USP15: variants seen among roughly 807,000 people sequenced by gnomAD.
USP15 encodes ubiquitin carboxyl-terminal hydrolase 15.
In USP15, 18 loss-of-function variants were observed where a neutral mutation model predicts 127.1. That is an observed-to-expected ratio of 0.14 (90% CI 0.10 to 0.21). The LOEUF (loss-of-function observed/expected upper bound fraction) is 0.21. USP15 is among the 10% of genes least tolerant of loss of function. The probability of loss-of-function intolerance (pLI) is 1.00; values close to 1 mark genes in which losing one functional copy is unlikely to be tolerated. For missense variants in USP15, 805 were observed against 1,159.9 expected (o/e 0.69, Z 4.44); for synonymous variants, 364 against 393.7 (o/e 0.92, Z 0.89).
chr12:62,359,188 T>G (rs1477902786), intron 8 of USP15, among the ~76,000 whole-genome samples: 4 of 149,666 alleles, frequency 2.7e-5, no homozygotes, highest in African/African-American at 9.9e-5. Flanking sequence ...AGAAGCTTTC[T>G]CATGGATCCC....
rs768762882 is a variant in USP15, at chr12:62,314,786, T to G, written c.349-4T>G. The stretch of plus-strand genomic sequence containing the variant: ...CACTGATTTGTTTTGTTTCATTATT[T>G]TAGGTGGTTGAACAGGGTATGTTTG... On this transcript the variant is annotated splice_polypyrimidine_tract_variant and splice_region_variant and intron_variant, in intron 3 of 21. Transcript: ENST00000280377. 4 of 1,556,386 alleles carry G rather than the reference T, an allele frequency of 2.6e-6. No individual in the cohort carries two copies. The African/African-American group carries it at 4.1e-5, about 16-fold the overall frequency.
At chr12:62,386,164 T>G (rs1592712431) in intron 11 of USP15, among the ~76,000 whole-genome samples, 1 of 91,408 alleles carries the variant, frequency 1.1e-5, no homozygotes, top group South Asian at 3.3e-4. Flanking sequence ...TTTTTGTGTT[T>G]TGTGTTTTTT....
chr12:62,329,309 T>C (rs1001863538), intron 6 of USP15, among the ~76,000 whole-genome samples: 1 of 152,148 alleles, frequency 6.6e-6, no homozygotes, highest in Non-Finnish European at 1.5e-5. Flanking sequence ...AGGCGGAGGT[T>C]TCCGTGAGCC....
chr12:62,364,713 C>T (rs970709403), intron 8 of USP15, among the ~76,000 whole-genome samples: 2 of 151,920 alleles, frequency 1.3e-5, no homozygotes, highest in African/African-American at 4.8e-5. Flanking sequence ...CCTTCTCTAG[C>T]CCCCCAACCC....
intron 8 of USP15, among the ~76,000 whole-genome samples, chr12:62,378,321 A>G (rs11174452): frequency 0.26 from 40,153 of 152,188 alleles, 6,611 homozygotes; most frequent in East Asian, 0.44. Flanking sequence ...TTTTTAAACT[A>G]ATATGATTTG....
At chr12:62,337,055 T>A (rs538699077) in intron 6 of USP15, among the ~76,000 whole-genome samples, 1 of 152,328 alleles carries the variant, frequency 6.6e-6, no homozygotes, top group Admixed American at 6.5e-5. Context: ...ATTCTACAAT[T>A]TTTTTCAAAT....
At chr12:62,374,614 AGACTT>A in intron 8 of USP15, 1 of 967,716 alleles carries the variant, frequency 1.0e-6, no homozygotes, top group Non-Finnish European at 1.2e-6. Context: ...TGTTGACTGA[AGACTT>A]GAGATTTGGT....
intron 6 of USP15, among the ~76,000 whole-genome samples, chr12:62,326,258 T>G (rs2065118569): frequency 6.6e-6 from 1 of 152,204 alleles, no homozygotes; most frequent in East Asian, 1.9e-4. Flanking sequence ...TAAAAGTATC[T>G]TAAAATATTT....
At chr12:62,345,452 T>G (rs1327858221) in intron 6 of USP15, among the ~76,000 whole-genome samples, 1 of 152,156 alleles carries the variant, frequency 6.6e-6, no homozygotes, top group Non-Finnish European at 1.5e-5. Context: ...TCTAGGAAGT[T>G]TTAAACTTTC....
chr12:62,276,952 T>A (rs2063509197), intron 1 of USP15, among the ~76,000 whole-genome samples: 1 of 152,170 alleles, frequency 6.6e-6, no homozygotes, highest in African/African-American at 2.4e-5. Flanking sequence ...AGTTTTCTTA[T>A]TTTTATGCAT....
At chr12:62,318,502 C>A (rs1452702055) in intron 4 of USP15, among the ~76,000 whole-genome samples, 1 of 152,098 alleles carries the variant, frequency 6.6e-6, no homozygotes, top group African/African-American at 2.4e-5. Context: ...TTGTTGGAGT[C>A]CTTTGTAAAA....
chr12:62,335,375 A>C (rs1009362465), intron 6 of USP15: 1 of 1,423,232 alleles, frequency 7.0e-7, no homozygotes, highest in Non-Finnish European at 9.1e-7. Context: ...GTTATCACTC[A>C]ACAGTAATGT....
chr12:62,269,596 T>A (rs937495040), intron 1 of USP15, among the ~76,000 whole-genome samples: 2 of 151,974 alleles, frequency 1.3e-5, no homozygotes, highest in Non-Finnish European at 2.9e-5. Flanking sequence ...TATTTTTATT[T>A]TTTTGTAGAA....
intron 4 of USP15, among the ~76,000 whole-genome samples, chr12:62,317,916 A>G (rs1248038791): frequency 1.3e-5 from 2 of 152,174 alleles, no homozygotes; most frequent in African/African-American, 2.4e-5. Flanking sequence ...TAATAGTTTT[A>G]TTTTCCTTTA....
Position 62,397,855 on chromosome 12 carries a change from C to CA in USP15, c.2674+1471dup, listed in dbSNP as rs1220245515. Reference sequence around the variant, plus strand: ...CTGGCAACAGAGCAAGACTCTGTCTCAAAAAAAAAAAAAAGTATCAGTCTT... The same window carrying CA: ...CTGGCAACAGAGCAAGACTCTGTCTCAAAAAAAAAAAAAAAGTATCAGTCTT... On this transcript the variant is annotated intron_variant, in intron 20 of 21. Transcript: ENST00000280377. Among the ~76,000 whole-genome samples the CA allele has an allele frequency of 4.2e-3, 546 of 131,256 alleles. 2 individuals are homozygous for CA. The highest frequency in any genetic ancestry group is 0.029 in the Middle Eastern group (7 of 238). 86.1% of individuals were successfully genotyped at this position (131,256 alleles called of 152,430 possible). A position where few individuals can be genotyped will look rare whatever the true frequency, so the allele number is the denominator to read the frequency against.
chr12:62,353,582 T>C (rs187592874), intron 7 of USP15, among the ~76,000 whole-genome samples: 350 of 152,134 alleles, frequency 2.3e-3, no homozygotes, highest in African/African-American at 7.8e-3. Context: ...TTCTCTGTAA[T>C]GTGTAGAATG....
rs1478196738 is a variant in USP15 at position 62,405,291 on chromosome 12, G to T, written c.*916G>T. The T allele has an allele frequency of 6.6e-6, 1 of 152,042 alleles. No homozygotes were observed. The highest frequency in any genetic ancestry group is 1.5e-5 in the Non-Finnish European group (1 of 67,988). The allele number at this position is 152,042 out of a possible 1,614,324, so 9.4% of individuals were successfully genotyped here. The stretch of plus-strand genomic sequence containing the variant: ...GTATTCTGTACCCATAGTAATAATT[G>T]CATCAAGCTTAGATGAGAAATTTTT... On this transcript the variant is annotated 3_prime_UTR_variant, in exon 22 of 22. Coordinates refer to ENST00000280377, the MANE Select transcript of USP15 (RefSeq NM_001252078.2).
intron 9 of USP15, 152 bp from the exon 10 acceptor site, chr12:62,383,688 G>A: frequency 1.0e-6 from 1 of 955,670 alleles, no homozygotes; most frequent in South Asian, 2.1e-5. Flanking sequence ...ATCTACAAAT[G>A]ACCATGAATT....
intron 1 of USP15, among the ~76,000 whole-genome samples, chr12:62,283,723 A>T (rs2063715088): frequency 6.6e-6 from 1 of 152,188 alleles, no homozygotes; most frequent in Admixed American, 6.5e-5. Context: ...CAGGCGGATC[A>T]CTTGAGGCCA....
Sources: gnomAD v4.1 joint callset for allele counts (sites outside exome capture counted in the v4.1 genomes callset) on GRCh38, gnomAD v4.1.1 for gene constraint, MANE v1.5 for transcripts, NCBI Gene and HGNC (gene_info 2026-07-23, HGNC 2026-07-21) for gene names.